The following EIF2AK4 variants were observed in gnomAD, a reference collection of about 807,000 sequenced individuals.
EIF2AK4 encodes eIF-2-alpha kinase GCN2.
In EIF2AK4, 139 loss-of-function variants were observed where a neutral mutation model predicts 211.1. That is an observed-to-expected ratio of 0.66 (90% CI 0.57 to 0.76). The LOEUF is 0.76. EIF2AK4 is among the 30% of genes least tolerant of loss of function. The pLI is 0.00. For synonymous variants in EIF2AK4, 710 were observed against 751.3 expected, an observed-to-expected ratio of 0.94 and a Z score of 0.90; for missense variants, 1,664 against 2,043.8, an observed-to-expected ratio of 0.81 and a Z score of 3.58.
At chr15:39,992,682 C>T in intron 17 of EIF2AK4, 87 bp from the exon 18 acceptor site, 2 of 1,208,264 alleles carry the variant, frequency 1.7e-6, no homozygotes, top group South Asian at 2.5e-5. Flanking sequence ...TCATGCCTCA[C>T]TTTTAAGAAA....
At chr15:39,962,472 G>A (rs1362047875) in intron 7 of EIF2AK4, among the ~76,000 whole-genome samples, 1 of 151,906 alleles carries the variant, frequency 6.6e-6, no homozygotes, top group African/African-American at 2.4e-5. Context: ...CTTTTTTGTT[G>A]TTGAGACAGG....
Position 39,992,766 on chromosome 15 carries a change from C to T in EIF2AK4, c.2687-3C>T. On this transcript the variant is annotated splice_region_variant and splice_polypyrimidine_tract_variant and intron_variant, in intron 17 of 38. Transcript: ENST00000263791. ...CGTTTTCCCTCTGTTTTCCTCCACACAGGTCACTTAACTGGGATGGTTGGC... is the reference window on the plus strand; with the variant it reads ...CGTTTTCCCTCTGTTTTCCTCCACATAGGTCACTTAACTGGGATGGTTGGC... 1 of 1,613,984 alleles carries T rather than the reference C, an allele frequency of 6.2e-7. No individual in the cohort carries two copies. The highest frequency in any genetic ancestry group is 8.5e-7 in the Non-Finnish European group (1 of 1,179,868).
At chr15:39,968,873 G>GATATATATATATATATAT (rs376138307) in intron 9 of EIF2AK4, among the ~76,000 whole-genome samples, 4 of 147,196 alleles carry the variant, frequency 2.7e-5, no homozygotes, top group Non-Finnish European at 3.0e-5. Flanking sequence ...AAGTGAATAT[G>GATATATATATATATATAT]ATATATATAT....
At chr15:39,971,820 G>C (rs2034629602) in intron 9 of EIF2AK4, among the ~76,000 whole-genome samples, 1 of 152,128 alleles carries the variant, frequency 6.6e-6, no homozygotes, top group African/African-American at 2.4e-5. Context: ...ATCATTTGGA[G>C]CTCTTGTTAA....
intron 32 of EIF2AK4, among the ~76,000 whole-genome samples, chr15:40,023,463 A>G (rs532387483): frequency 2.4e-4 from 37 of 152,272 alleles, no homozygotes; most frequent in African/African-American, 8.7e-4. Context: ...TAGAAGTCCA[A>G]TCTCAAATAT....
Position 39,990,372 on chromosome 15 carries a change from T to C in EIF2AK4, c.2626T>C (p.Phe876Leu). Reference protein sequence around the residue: ...DFGLATDHLAFSADSKQDDQT... With the variant: ...DFGLATDHLALSADSKQDDQT... Reference sequence around the variant, plus strand: ...TGGTTTGGCGACAGACCATCTAGCCTTTTCTGTAAGTATTTTAAAAATTAG... The same window carrying C: ...TGGTTTGGCGACAGACCATCTAGCCCTTTCTGTAAGTATTTTAAAAATTAG... Residue 876 changes from phenylalanine to leucine, a missense_variant, in exon 16 of 39, where the codon TTT becomes CTT. Phe to Leu is a conservative substitution (Grantham distance 22). This residue lies in a region of EIF2AK4 where 622 missense variants were observed against 796.8 expected (regional missense o/e 0.78). Coordinates refer to ENST00000263791, the MANE Select transcript of EIF2AK4 (RefSeq NM_001013703.4). 6.2e-7 allele frequency: 1 copy of C among 1,613,304 alleles called. No individual in the cohort carries two copies. Among genetic ancestry groups the C allele is most frequent in the Non-Finnish European group, 8.5e-7 (1 of 1,179,490 alleles).
intron 22 of EIF2AK4, 140 bp from the exon 23 acceptor site, chr15:40,003,053 T>A (rs943636506): frequency 1.3e-5 from 17 of 1,281,052 alleles, no homozygotes; most frequent in Admixed American, 2.5e-5. Flanking sequence ...ATTTATAAAT[T>A]TAGAGAACTC....
In EIF2AK4 at chr15:39,943,363, T is replaced by TTC. The variant is rs2034175411; in HGVS notation, c.258-19_258-18insCT. 1 of 1,411,424 alleles carries TTC rather than the reference T, an allele frequency of 7.1e-7. No individual in the cohort carries two copies. Among genetic ancestry groups the TTC allele is most frequent in the Non-Finnish European group, 9.4e-7 (1 of 1,058,726 alleles). The allele number at this position is 1,411,424 out of a possible 1,614,324, so 87.4% of individuals were successfully genotyped here. A position where few individuals can be genotyped will look rare whatever the true frequency, so the allele number is the denominator to read the frequency against. ...TTCTGGAGTAACTCTTTTTTTTTTT[T>TTC]TTTTTTTTGCCTTTTCCAGAGTTCC... On this transcript the variant is annotated intron_variant, in intron 2 of 38. Coordinates refer to ENST00000263791, the MANE Select transcript of EIF2AK4 (RefSeq NM_001013703.4).
In EIF2AK4 at chr15:39,958,736, A is replaced by G. The variant is rs139436390; in HGVS notation, c.743+2968A>G. On this transcript the variant is annotated intron_variant, in intron 6 of 38. Coordinates refer to ENST00000263791, the MANE Select transcript of EIF2AK4 (RefSeq NM_001013703.4). Reference sequence around the variant, plus strand: ...TCTGTGGCATCTTGGTGAGTTAGACAGGAAGGTGAGACTATCCCTGCCCCT... The same window carrying G: ...TCTGTGGCATCTTGGTGAGTTAGACGGGAAGGTGAGACTATCCCTGCCCCT... Among the ~76,000 whole-genome samples, 58 of 152,314 alleles carry G rather than the reference A, an allele frequency of 3.8e-4. No individual in the cohort carries two copies. In the East Asian group the frequency reaches 7.9e-3, roughly 21 times the overall value.
At chr15:39,957,131 T>A (rs565676828) in intron 6 of EIF2AK4, among the ~76,000 whole-genome samples, 1 of 152,346 alleles carries the variant, frequency 6.6e-6, no homozygotes, top group East Asian at 1.9e-4. Context: ...TCTAACAAAT[T>A]TTTGTTGTAT....
chr15:40,011,726 T>C (rs1241235685), intron 27 of EIF2AK4, among the ~76,000 whole-genome samples: 1 of 152,248 alleles, frequency 6.6e-6, no homozygotes, highest in Non-Finnish European at 1.5e-5. Context: ...CACAGAATTC[T>C]GCAAATTCAT....
chr15:40,010,645 A>G (rs750052156), intron 26 of EIF2AK4, among the ~76,000 whole-genome samples: 14 of 152,010 alleles, frequency 9.2e-5, no homozygotes, highest in Non-Finnish European at 1.8e-4. Flanking sequence ...TATGGTTAAG[A>G]CAGAGTAGTG....
At chr15:39,958,671 G>C (rs1270630569) in intron 6 of EIF2AK4, among the ~76,000 whole-genome samples, 1 of 152,150 alleles carries the variant, frequency 6.6e-6, no homozygotes, top group Non-Finnish European at 1.5e-5. Context: ...TCTACAAAGT[G>C]GCTCTGTGTT....
chr15:40,017,551 A>ATATATATATATATATATATG (rs71132134), intron 29 of EIF2AK4, among the ~76,000 whole-genome samples: 14 of 87,050 alleles, frequency 1.6e-4, no homozygotes, highest in Non-Finnish European at 3.0e-4. Context: ...ATATATATAT[A>ATATATATATATATATATATG]TATGTATTTT....
intron 3 of EIF2AK4, chr15:39,946,877 G>A (rs917321000): frequency 1.4e-5 from 8 of 554,434 alleles, no homozygotes; most frequent in Non-Finnish European, 1.3e-5. Context: ...TAGCAATAAA[G>A]TATTTTAAAA....
chr15:40,003,073 T>C (rs2140935264), intron 22 of EIF2AK4, 120 bp from the exon 23 acceptor site: 1 of 1,419,424 alleles, frequency 7.0e-7, no homozygotes, highest in Non-Finnish European at 9.5e-7. Flanking sequence ...CAAGAAAAAT[T>C]GATATGACTT....
rs2034477234 is a variant in EIF2AK4, at chr15:39,961,855, T to G, written c.815T>G (p.Met272Arg). Residue 272 changes from methionine to arginine, a missense_variant, in exon 7 of 39, where the codon ATG becomes AGG. Met to Arg is a moderately conservative substitution (Grantham distance 91, BLOSUM62 -1). Around this residue, in one of 7 missense-constraint regions of EIF2AK4, gnomAD observed 641 missense variants for 729.6 expected, o/e 0.88. Coordinates refer to ENST00000263791, the MANE Select transcript of EIF2AK4 (RefSeq NM_001013703.4). ...PGSCEILYFN[M>R]GSPDQLMVHK... ...TCTTGTGAAATTCTGTATTTCAATA[T>G]GGGGAGTCCTGATCAGCTCATGGTG... 1 of 1,614,158 alleles carries G rather than the reference T, an allele frequency of 6.2e-7. No individual in the cohort carries two copies. Among genetic ancestry groups the G allele is most frequent in the Non-Finnish European group, 8.5e-7 (1 of 1,180,002 alleles).
chr15:39,976,324 C>A, intron 11 of EIF2AK4, 90 bp from the exon 12 acceptor site: 1 of 1,403,566 alleles, frequency 7.1e-7, no homozygotes, highest in Non-Finnish European at 9.6e-7. Flanking sequence ...TTTAGAACTT[C>A]ACGCTTTCCT....
At chr15:40,000,245 T>A (rs2035072785) in intron 20 of EIF2AK4, among the ~76,000 whole-genome samples, 1 of 152,220 alleles carries the variant, frequency 6.6e-6, no homozygotes, top group Non-Finnish European at 1.5e-5. Context: ...TTGCCTGTGT[T>A]TTTATTTTAC....
Sources: allele counts gnomAD v4.1 joint callset (sites outside exome capture counted in the v4.1 genomes callset), GRCh38; gene constraint gnomAD v4.1.1; regional missense constraint gnomAD v4.1.1; transcripts MANE v1.5; gene names NCBI Gene and HGNC (gene_info 2026-07-23, HGNC 2026-07-21).